TEKT5: variants seen among roughly 807,000 people sequenced by gnomAD.
TEKT5 encodes tektin 5, also known as tektin-5.
A neutral mutation model predicts 48.7 loss-of-function variants in TEKT5; 52 were observed. The observed-to-expected ratio is 1.07, with a 90% CI of 0.86 to 1.35. The LOEUF is 1.35. TEKT5 is among the 40% of genes most tolerant of loss of function. The probability of loss-of-function intolerance (pLI) is 0.00; values close to 1 mark genes in which losing one functional copy is unlikely to be tolerated. For missense variants in TEKT5, 831 were observed against 641.6 expected (o/e 1.30, Z -3.19); for synonymous variants, 318 against 267.6 (o/e 1.19, Z -1.84).
At position 10,694,414 on chromosome 16, in the gene TEKT5, C is replaced by A. The variant is rs1899037914; in HGVS notation, c.460G>T (p.Glu154Ter). The change falls in exon 1 of 7, where the codon GAG becomes TAG. Residue 154 changes from glutamate to a stop codon, truncating the protein, a stop_gained. Coordinates refer to ENST00000283025, the MANE Select transcript of TEKT5 (RefSeq NM_144674.2). LOFTEE classifies it high-confidence loss of function. ...AGCCTGTCCAGCTCATAGCTCAGCTCTGACTTCCAGAAGCCAATGTCCGAC... is the reference window on the plus strand; with the variant it reads ...AGCCTGTCCAGCTCATAGCTCAGCTATGACTTCCAGAAGCCAATGTCCGAC... The part of the protein sequence containing the change: ...RLSDIGFWKS[E>*]LSYELDRLLT... 1.9e-6 allele frequency: 3 copies of A among 1,614,076 alleles called. No individual in the cohort carries two copies. The Admixed American group carries it at 5.0e-5, about 27-fold the overall frequency.
chr16:10,651,318 G>A (rs1410601037), intron 5 of TEKT5, among the ~76,000 whole-genome samples: 1 of 152,034 alleles, frequency 6.6e-6, no homozygotes, highest in Non-Finnish European at 1.5e-5. Flanking sequence ...ACCCCCAATC[G>A]CCTGCTTCTC....
chr16:10,632,071 T>C (rs1383153042), intron 6 of TEKT5, among the ~76,000 whole-genome samples: 1 of 152,108 alleles, frequency 6.6e-6, no homozygotes, highest in Non-Finnish European at 1.5e-5. Context: ...CTGGGTGAAC[T>C]TCCCCATGGG....
At chr16:10,665,424 G>T (rs767387692) in intron 5 of TEKT5, among the ~76,000 whole-genome samples, 1 of 152,180 alleles carries the variant, frequency 6.6e-6, no homozygotes, top group Non-Finnish European at 1.5e-5. Flanking sequence ...GCGTTCCTGA[G>T]CATAGGTGGT....
chr16:10,658,544 T>C (rs1898302387), intron 5 of TEKT5, among the ~76,000 whole-genome samples: 1 of 151,778 alleles, frequency 6.6e-6, no homozygotes, highest in South Asian at 2.1e-4. Context: ...ACCAGGCAAA[T>C]CTAACGGCTG....
chr16:10,646,332 G>A (rs1288603352), intron 5 of TEKT5, among the ~76,000 whole-genome samples: 2 of 152,030 alleles, frequency 1.3e-5, no homozygotes, highest in South Asian at 2.1e-4. Context: ...TCAAATTTGG[G>A]AACAACCTGC....
chr16:10,668,371 G>C (rs1898494432), intron 5 of TEKT5, among the ~76,000 whole-genome samples: 2 of 152,170 alleles, frequency 1.3e-5, no homozygotes, highest in South Asian at 2.1e-4. Flanking sequence ...GGATGCAGTG[G>C]TGTCTCATGA....
chr16:10,646,419 A>G (rs976698015), intron 5 of TEKT5, among the ~76,000 whole-genome samples: 27 of 152,300 alleles, frequency 1.8e-4, no homozygotes, highest in African/African-American at 6.3e-4. Flanking sequence ...TTGCTCCTGA[A>G]TGAGGTGGGA....
chr16:10,670,708 G>A (rs1898535512), intron 5 of TEKT5, among the ~76,000 whole-genome samples: 1 of 152,112 alleles, frequency 6.6e-6, no homozygotes, highest in Non-Finnish European at 1.5e-5. Context: ...GGAGTTTGGT[G>A]CATTTCAGAT....
chr16:10,634,212 C>T (rs942485872), intron 6 of TEKT5, among the ~76,000 whole-genome samples: 2 of 152,158 alleles, frequency 1.3e-5, no homozygotes, highest in Admixed American at 1.3e-4. Flanking sequence ...GACTTCCCAA[C>T]TCCCCTAGGA....
At chr16:10,630,659 G>A (rs1269732050) in intron 6 of TEKT5, among the ~76,000 whole-genome samples, 1 of 152,200 alleles carries the variant, frequency 6.6e-6, no homozygotes, top group East Asian at 1.9e-4. Context: ...CCAGCCCCAT[G>A]GGGCTAATGA....
At chr16:10,670,566 G>A (rs1002992742) in intron 5 of TEKT5, among the ~76,000 whole-genome samples, 1 of 152,120 alleles carries the variant, frequency 6.6e-6, no homozygotes, top group East Asian at 1.9e-4. Flanking sequence ...GTAAACTGTT[G>A]AAAAGTGAAA....
At chr16:10,667,953 C>T (rs1898486376) in intron 5 of TEKT5, among the ~76,000 whole-genome samples, 1 of 151,946 alleles carries the variant, frequency 6.6e-6, no homozygotes, top group Non-Finnish European at 1.5e-5. Flanking sequence ...TCTTGGCTCA[C>T]TGCAACCTCC....
At chr16:10,665,474 C>T (rs1898441988) in intron 5 of TEKT5, among the ~76,000 whole-genome samples, 1 of 152,128 alleles carries the variant, frequency 6.6e-6, no homozygotes, top group African/African-American at 2.4e-5. Context: ...TTTGTGCTGC[C>T]CTCTCCCGTG....
At chr16:10,634,123 G>A (rs1286390480) in intron 6 of TEKT5, among the ~76,000 whole-genome samples, 3 of 152,220 alleles carry the variant, frequency 2.0e-5, no homozygotes, top group Non-Finnish European at 4.4e-5. Flanking sequence ...CCCTGGCTTA[G>A]TGCTGTGTGA....
chr16:10,680,126 T>C (rs1898721301), intron 4 of TEKT5, among the ~76,000 whole-genome samples: 1 of 152,244 alleles, frequency 6.6e-6, no homozygotes, highest in Non-Finnish European at 1.5e-5. Context: ...CTGGACTCCC[T>C]GTGCAGATGA....
In TEKT5 at chr16:10,639,401, T is replaced by C. The variant is rs73507956; in HGVS notation, c.1087-3483A>G. Among the ~76,000 whole-genome samples, 664 of 152,302 alleles carry C rather than the reference T, an allele frequency of 4.4e-3. 7 individuals carry two copies. Among genetic ancestry groups the C allele is most frequent in the African/African-American group, 0.015 (638 of 41,546 alleles). ...CACACCAGAGACAGATTGGGAATAATAGGAGTGCTGAATTGGAAATTAGAC... is the reference window on the plus strand; with the variant it reads ...CACACCAGAGACAGATTGGGAATAACAGGAGTGCTGAATTGGAAATTAGAC... On this transcript the variant is annotated intron_variant, in intron 5 of 6. Coordinates refer to ENST00000283025, the MANE Select transcript of TEKT5 (RefSeq NM_144674.2).
At chr16:10,658,274 A>T (rs1465567884) in intron 5 of TEKT5, among the ~76,000 whole-genome samples, 2 of 152,200 alleles carry the variant, frequency 1.3e-5, no homozygotes, top group African/African-American at 4.8e-5. Flanking sequence ...GGGAACGCCC[A>T]TGAGAAAGAG....
At chr16:10,667,458 A>G (rs1898477438) in intron 5 of TEKT5, among the ~76,000 whole-genome samples, 1 of 152,198 alleles carries the variant, frequency 6.6e-6, no homozygotes, top group Non-Finnish European at 1.5e-5. Flanking sequence ...GCAGTAACCA[A>G]TCTGGCTGTT....
chr16:10,631,069 C>CATAT (rs150668217), intron 6 of TEKT5, among the ~76,000 whole-genome samples: 4,792 of 145,094 alleles, frequency 0.033, 243 homozygotes, highest in African/African-American at 0.11. Context: ...TATCTATGTC[C>CATAT]ATATATATAT....
Sources: gnomAD v4.1 joint callset for allele counts (sites outside exome capture counted in the v4.1 genomes callset) on GRCh38, gnomAD v4.1.1 for gene constraint, MANE v1.5 for transcripts, NCBI Gene and HGNC (gene_info 2026-07-23, HGNC 2026-07-21) for gene names.